The following IL17RB variants were observed in gnomAD, a reference collection of about 807,000 sequenced individuals.
The protein encoded by IL17RB is interleukin-17 receptor B.
A neutral mutation model predicts 43.9 loss-of-function variants in IL17RB; 36 were observed. That is an observed-to-expected ratio of 0.82 (90% CI 0.63 to 1.08). The LOEUF (loss-of-function observed/expected upper bound fraction) is 1.08, where lower values mean the gene tolerates loss of function less well. IL17RB is among the 50% of genes least tolerant of loss of function. IL17RB has a pLI of 0.00. For missense variants in IL17RB, 613 were observed against 613.6 expected (o/e 1.00, Z 0.01); for synonymous variants, 225 against 225.4 (o/e 1.00, Z 0.02).
In IL17RB at chr3:53,858,713, C is replaced by G. The variant is rs374150589; in HGVS notation, c.748-6C>G. On this transcript the variant is annotated splice_polypyrimidine_tract_variant and splice_region_variant and intron_variant, in intron 8 of 10. Coordinates refer to ENST00000288167, the MANE Select transcript of IL17RB (RefSeq NM_018725.4). ...TGAACTTTCTGAGCCTCTTGTTTTT[C>G]CTCAGCTGACTCCATATTTTCCTAC... 1.9e-6 allele frequency: 3 copies of G among 1,613,612 alleles called. No individual in the cohort carries two copies. In the African/African-American group the frequency reaches 4.0e-5, roughly 22 times the overall value.
chr3:53,856,153 G>A (rs1699326463), intron 6 of IL17RB, among the ~76,000 whole-genome samples: 1 of 152,222 alleles, frequency 6.6e-6, no homozygotes, highest in Non-Finnish European at 1.5e-5. Context: ...GGGCCTTGAA[G>A]TCAGTCCTGA....
At chr3:53,857,571 C>A in intron 7 of IL17RB, 45 bp from the exon 8 acceptor site, 3 of 1,559,950 alleles carry the variant, frequency 1.9e-6, no homozygotes, top group Non-Finnish European at 2.7e-6. Context: ...AGGGGTGAGC[C>A]AGTGCACCTG....
intron 2 of IL17RB, among the ~76,000 whole-genome samples, 188 bp downstream of exon 2, chr3:53,848,876 G>A (rs2276839): frequency 1.3e-5 from 2 of 152,076 alleles, no homozygotes; most frequent in Non-Finnish European, 2.9e-5. Flanking sequence ...GAATGAGGCC[G>A]TGTTTCAGAC....
At chr3:53,864,529 T>C (rs1699706111) in intron 10 of IL17RB, among the ~76,000 whole-genome samples, 1 of 151,692 alleles carries the variant, frequency 6.6e-6, no homozygotes, top group Non-Finnish European at 1.5e-5. Flanking sequence ...AGTGAGACTA[T>C]GTCTCCAAAA....
intron 3 of IL17RB, 99 bp from the exon 4 acceptor site, chr3:53,851,900 C>A: frequency 1.5e-6 from 2 of 1,366,554 alleles, no homozygotes; most frequent in Non-Finnish European, 2.0e-6. Context: ...TGAATATGAA[C>A]CGAGACATAA....
At chr3:53,857,782 A>G in intron 8 of IL17RB, 92 bp downstream of exon 8, 1 of 1,158,004 alleles carries the variant, frequency 8.6e-7, no homozygotes, top group Non-Finnish European at 1.3e-6. Context: ...CTCTTGTCAA[A>G]TGCACTTCTG....
intron 8 of IL17RB, chr3:53,858,214 C>A: frequency 2.9e-6 from 1 of 348,158 alleles, no homozygotes. Context: ...ACAGCCACTC[C>A]CCAAAGAGTA....
At chr3:53,850,225 G>C (rs1321761360) in intron 3 of IL17RB, among the ~76,000 whole-genome samples, 2 of 152,214 alleles carry the variant, frequency 1.3e-5, no homozygotes, top group Non-Finnish European at 2.9e-5. Context: ...AGCCAGGAGC[G>C]GTGGCTAACG....
chr3:53,848,548 A>C, intron 1 of IL17RB, 116 bp from the exon 2 acceptor site: 1 of 1,004,024 alleles, frequency 1.0e-6, no homozygotes, highest in Non-Finnish European at 1.6e-6. Flanking sequence ...CTTTTCTTTG[A>C]AAGTTTGTCA....
At chr3:53,860,936 TGA>T (rs1699541191) in intron 10 of IL17RB, 1 of 152,208 alleles carries the variant, frequency 6.6e-6, no homozygotes, top group Admixed American at 6.5e-5. Context: ...CATTCACAGT[TGA>T]GAGAAACGTG....
At chr3:53,858,313 C>T (rs900982299) in intron 8 of IL17RB, 6 of 1,011,962 alleles carry the variant, frequency 5.9e-6, no homozygotes, top group Non-Finnish European at 7.1e-6. Flanking sequence ...TGGCTACTAC[C>T]CTTTTCTGGA....
Position 53,847,386 on chromosome 3 carries a change from A to G in IL17RB, c.60+738A>G, listed in dbSNP as rs143487796. Among the ~76,000 whole-genome samples the G allele has an allele frequency of 2.9e-3, 437 of 152,134 alleles. 3 individuals are homozygous for G. Among genetic ancestry groups the G allele is most frequent in the African/African-American group, 1.0e-2 (413 of 41,470 alleles). ...TCATCCCTTTTGCTGTAGTTGCTGC[A>G]AGGCCAACAATTTGAGCTTGGTAGC... On this transcript the variant is annotated intron_variant, in intron 1 of 10. Transcript: ENST00000288167.
chr3:53,864,778 A>G lies in IL17RB; in HGVS notation c.979A>G (p.Thr327Ala). Reference sequence around the variant, plus strand: ...CAAGAAGACTTCCTTTTCTACCACCACACTACTGCCCCCCATTAAGGTTCT... The same window carrying G: ...CAAGAAGACTTCCTTTTCTACCACCGCACTACTGCCCCCCATTAAGGTTCT... ...RIKKTSFSTT[T>A]LLPPIKVLVV... Residue 327 changes from threonine to alanine, a missense_variant, in exon 11 of 11, where the codon ACA (threonine) becomes GCA (alanine). Thr to Ala is a moderately conservative substitution (Grantham distance 58). Transcript: ENST00000288167. 1 of 1,612,802 alleles carries G rather than the reference A, an allele frequency of 6.2e-7. No homozygotes were observed. Among genetic ancestry groups the G allele is most frequent in the South Asian group, 1.1e-5 (1 of 91,010 alleles).
intron 4 of IL17RB, among the ~76,000 whole-genome samples, chr3:53,852,416 T>G (rs1699185126): frequency 6.6e-6 from 1 of 152,210 alleles, no homozygotes; most frequent in Admixed American, 6.5e-5. Flanking sequence ...ATTACAGGTA[T>G]GAGCCACTGT....
At chr3:53,859,945 G>A (rs1458715996) in intron 9 of IL17RB, 185 bp from the exon 10 acceptor site, 3 of 490,372 alleles carry the variant, frequency 6.1e-6, no homozygotes, top group Non-Finnish European at 1.1e-5. Flanking sequence ...GGGAGACGGA[G>A]GCTGCAGTGA....
intron 3 of IL17RB, among the ~76,000 whole-genome samples, chr3:53,851,370 G>A (rs1699139830): frequency 6.6e-6 from 1 of 152,168 alleles, no homozygotes; most frequent in Admixed American, 6.5e-5. Context: ...GTGGGATAGG[G>A]CGAGAGGAGC....
At chr3:53,859,059 G>A in intron 9 of IL17RB, 1 of 410,542 alleles carries the variant, frequency 2.4e-6, no homozygotes, top group Non-Finnish European at 4.4e-6. Context: ...TACACAGAAG[G>A]GAAAAAAATA....
intron 10 of IL17RB, among the ~76,000 whole-genome samples, chr3:53,863,851 C>T (rs1486040363): frequency 5.5e-5 from 8 of 145,296 alleles, no homozygotes; most frequent in African/African-American, 1.8e-4. Flanking sequence ...GAGACAGGGT[C>T]TCACTCTGTT....
Position 53,855,303 on chromosome 3 carries a change from A to C in IL17RB, c.491A>C (p.Asp164Ala). The C allele has an allele frequency of 1.2e-6, 2 of 1,607,840 alleles. No individual in the cohort carries two copies. Among genetic ancestry groups the C allele is most frequent in the Non-Finnish European group, 1.7e-6 (2 of 1,175,440 alleles). Residue 164 changes from aspartate to alanine, a missense_variant, in exon 6 of 11, where the codon GAC (aspartate) becomes GCC (alanine). Physicochemically the swap from Asp to Ala is moderately radical, Grantham distance 126 (BLOSUM62 -2). Coordinates refer to ENST00000288167, the MANE Select transcript of IL17RB (RefSeq NM_018725.4). Reference sequence around the variant, plus strand: ...TCATTCAAATTTCCAGGCTGCCTAGACCACATAATGAAATATAAAAAAAAG... The same window carrying C: ...TCATTCAAATTTCCAGGCTGCCTAGCCCACATAATGAAATATAAAAAAAAG... ...SVNFTSPGCL[D>A]HIMKYKKKCV...
Sources: gnomAD v4.1 joint callset for allele counts (sites outside exome capture counted in the v4.1 genomes callset) on GRCh38, gnomAD v4.1.1 for gene constraint, MANE v1.5 for transcripts, NCBI Gene and HGNC (gene_info 2026-07-23, HGNC 2026-07-21) for gene names.